Variants in ITGB3BP observed in about 807,000 individuals in gnomAD.
The protein encoded by ITGB3BP is integrin subunit beta 3 binding protein.
Under a neutral mutation model 29.1 loss-of-function variants are expected in ITGB3BP, and 27 were observed. The ratio of observed to expected loss-of-function variants is 0.93; its 90% CI spans 0.68 to 1.28. ITGB3BP has a LOEUF of 1.28. Among genes scored for constraint, ITGB3BP ranks in the 50% most tolerant of loss-of-function variants. The pLI, the probability that ITGB3BP is intolerant of heterozygous loss-of-function variation, is 0.00. For missense variants in ITGB3BP, 192 were observed against 200.2 expected (o/e 0.96, Z 0.25); for synonymous variants, 61 against 61.4 (o/e 0.99, Z 0.03).
At chr1:63,496,878 A>G (rs778781076) in intron 2 of ITGB3BP, among the ~76,000 whole-genome samples, 2 of 152,238 alleles carry the variant, frequency 1.3e-5, no homozygotes, top group Non-Finnish European at 2.9e-5. Flanking sequence ...GGGCCAGGTG[A>G]AAGGCCTAGA....
Position 63,523,162 on chromosome 1 carries a change from C to T in ITGB3BP, c.-29G>A, listed in dbSNP as rs980699398. 29 of 1,613,768 alleles carry T rather than the reference C, an allele frequency of 1.8e-5. No individual in the cohort carries two copies. Among genetic ancestry groups the T allele is most frequent in the African/African-American group, 2.7e-5 (2 of 74,908 alleles). ...GAGATTCGGGAAAGCACCACTGCCGCTGAATAAAACGAACCCAGCAACTTC... is the reference window on the plus strand; with the variant it reads ...GAGATTCGGGAAAGCACCACTGCCGTTGAATAAAACGAACCCAGCAACTTC... On this transcript the variant is annotated 5_prime_UTR_variant, in exon 1 of 9. Transcript: ENST00000271002.
At chr1:63,519,489 C>T (rs1198128339) in intron 1 of ITGB3BP, among the ~76,000 whole-genome samples, 2 of 151,996 alleles carry the variant, frequency 1.3e-5, no homozygotes, top group Non-Finnish European at 2.9e-5. Context: ...TCTATTATAC[C>T]TTCCTCTATT....
At chr1:63,481,018 T>C (rs1304405783) in intron 3 of ITGB3BP, among the ~76,000 whole-genome samples, 4 of 152,170 alleles carry the variant, frequency 2.6e-5, no homozygotes, top group African/African-American at 9.6e-5. Context: ...ACTAGTTTCC[T>C]GAATTTTGTA....
chr1:63,509,904 G>T (rs1456361018), intron 1 of ITGB3BP, among the ~76,000 whole-genome samples: 2 of 152,138 alleles, frequency 1.3e-5, no homozygotes, highest in Non-Finnish European at 2.9e-5. Flanking sequence ...TTCAAAAATA[G>T]AAATTACACC....
intron 1 of ITGB3BP, among the ~76,000 whole-genome samples, chr1:63,516,415 A>G (rs1297314974): frequency 6.6e-6 from 1 of 151,954 alleles, no homozygotes; most frequent in East Asian, 1.9e-4. Flanking sequence ...AAGAGAAAAA[A>G]GAGGAAAGGA....
At chr1:63,524,294 A>C (rs908527827), upstream of ITGB3BP, among the ~76,000 whole-genome samples, 1 of 152,252 alleles carries the variant, frequency 6.6e-6, no homozygotes, top group African/African-American at 2.4e-5. Flanking sequence ...ATATGTGTTT[A>C]GAACTCTGAT....
At chr1:63,498,870 G>A (rs1436816123) in intron 2 of ITGB3BP, among the ~76,000 whole-genome samples, 2 of 151,676 alleles carry the variant, frequency 1.3e-5, no homozygotes, top group African/African-American at 4.8e-5. Context: ...AAGGGATGGG[G>A]AGTCAAATTA....
chr1:63,499,852 G>C (rs1357032617), intron 2 of ITGB3BP, among the ~76,000 whole-genome samples: 2 of 152,102 alleles, frequency 1.3e-5, no homozygotes, highest in Non-Finnish European at 2.9e-5. Context: ...TCTGATAAAA[G>C]ACATGTATGA....
intron 3 of ITGB3BP, among the ~76,000 whole-genome samples, chr1:63,480,778 T>A (rs1255740735): frequency 6.6e-6 from 1 of 152,122 alleles, no homozygotes; most frequent in Non-Finnish European, 1.5e-5. Context: ...ATTTGACAAG[T>A]CTTTATCCTT....
In ITGB3BP at chr1:63,472,248, T is replaced by C. The variant is rs1451574727; in HGVS notation, c.254+6516A>G. Among the ~76,000 whole-genome samples the C allele has an allele frequency of 3.3e-5, 5 of 151,860 alleles. No homozygotes were observed. In the East Asian group the frequency reaches 9.6e-4, roughly 29 times the overall value. The stretch of plus-strand genomic sequence containing the variant: ...GGTGAGTTTCTAAATTTGTATAGTG[T>C]AGGACCAAACACTGAATCTACAGTG... On this transcript the variant is annotated intron_variant, in intron 4 of 8. Coordinates refer to ENST00000271002, the MANE Select transcript of ITGB3BP (RefSeq NM_014288.5).
At chr1:63,445,125 A>C (rs540347371) in intron 8 of ITGB3BP, among the ~76,000 whole-genome samples, 2 of 152,072 alleles carry the variant, frequency 1.3e-5, no homozygotes, top group Non-Finnish European at 2.9e-5. Context: ...TGTCTAATAA[A>C]AATACAAACA....
intron 3 of ITGB3BP, among the ~76,000 whole-genome samples, chr1:63,487,842 C>A (rs1389658789): frequency 6.6e-6 from 1 of 152,028 alleles, no homozygotes. Context: ...TTTACACTGG[C>A]ATCACCACAA....
intron 3 of ITGB3BP, among the ~76,000 whole-genome samples, chr1:63,485,373 T>C (rs972393020): frequency 5.9e-5 from 9 of 152,120 alleles, no homozygotes; most frequent in Middle Eastern, 6.8e-3. Context: ...GTAACTCTTA[T>C]CTGTTGCCTC....
At chr1:63,459,156 C>T (rs1193153112) in intron 4 of ITGB3BP, among the ~76,000 whole-genome samples, 1 of 151,880 alleles carries the variant, frequency 6.6e-6, no homozygotes, top group Admixed American at 6.6e-5. Context: ...TGCTGCTTAA[C>T]TCTCCATGTA....
chr1:63,478,699 C>G (rs561153786), intron 4 of ITGB3BP, 65 bp downstream of exon 4: 9 of 781,564 alleles, frequency 1.2e-5, no homozygotes, highest in African/African-American at 1.8e-5. Context: ...TAAACGGTCA[C>G]TTTAACAAAT....
intron 4 of ITGB3BP, among the ~76,000 whole-genome samples, chr1:63,458,704 A>AT (rs1644970388): frequency 6.6e-6 from 1 of 152,080 alleles, no homozygotes; most frequent in Non-Finnish European, 1.5e-5. Context: ...CCCTTACCAT[A>AT]TTGTAAGTTC....
chr1:63,494,325 A>C (rs1198407770), intron 2 of ITGB3BP, among the ~76,000 whole-genome samples: 1 of 152,100 alleles, frequency 6.6e-6, no homozygotes, highest in Non-Finnish European at 1.5e-5. Context: ...CACTATGTTC[A>C]CCAGGTTGGT....
upstream of ITGB3BP, chr1:63,525,545 A>G: frequency 1.4e-6 from 2 of 1,442,248 alleles, no homozygotes. Context: ...ACATTGACAA[A>G]CACATTTTTA....
At chr1:63,460,372 C>T (rs1196589457) in intron 4 of ITGB3BP, among the ~76,000 whole-genome samples, 1 of 152,218 alleles carries the variant, frequency 6.6e-6, no homozygotes, top group Admixed American at 6.5e-5. Flanking sequence ...CTATTCTAGA[C>T]ATTGCATACA....
Sources: gnomAD v4.1 joint callset for allele counts (sites outside exome capture counted in the v4.1 genomes callset) on GRCh38, gnomAD v4.1.1 for gene constraint, MANE v1.5 for transcripts, NCBI Gene and HGNC (gene_info 2026-07-23, HGNC 2026-07-21) for gene names.